Variants in CHST9 observed in about 807,000 individuals in gnomAD.
CHST9 encodes the protein carbohydrate sulfotransferase 9, also known as GalNAc-4-sulfotransferase 2.
Under a neutral mutation model 44.4 loss-of-function variants are expected in CHST9, and 41 were observed. That is an observed-to-expected ratio of 0.92 (90% confidence interval 0.72 to 1.20). The LOEUF is 1.20. Ranked by LOEUF, CHST9 falls within the 50% of genes most tolerant of loss-of-function variation. The probability of loss-of-function intolerance (pLI) is 0.00; values close to 1 mark genes in which losing one functional copy is unlikely to be tolerated. For synonymous variants in CHST9, 171 were observed against 178.4 expected, an observed-to-expected ratio of 0.96 and a Z score of 0.33; for missense variants, 504 against 516.5, an observed-to-expected ratio of 0.98 and a Z score of 0.23.
At chr18:27,109,354 C>A (rs1327741682) in intron 2 of CHST9, among the ~76,000 whole-genome samples, 3 of 152,040 alleles carry the variant, frequency 2.0e-5, no homozygotes, top group Admixed American at 1.3e-4. Flanking sequence ...TCTATTTTAC[C>A]CTGAAAAGTG....
chr18:27,016,803 TATG>T (rs1568134480), intron 4 of CHST9, among the ~76,000 whole-genome samples: 1 of 152,232 alleles, frequency 6.6e-6, no homozygotes, highest in East Asian at 1.9e-4. Context: ...AGTATGCACA[TATG>T]ATATTAAAGA....
At chr18:26,944,538 A>G (rs1472250312) in intron 4 of CHST9, among the ~76,000 whole-genome samples, 172 bp from the exon 5 acceptor site, 1 of 152,214 alleles carries the variant, frequency 6.6e-6, no homozygotes, top group East Asian at 1.9e-4. Context: ...TGGGGAAAAA[A>G]AGCCAAAACC....
chr18:27,042,273 T>A (rs568616947), intron 3 of CHST9, among the ~76,000 whole-genome samples: 1 of 152,238 alleles, frequency 6.6e-6, no homozygotes, highest in South Asian at 2.1e-4. Context: ...CTAACCCAAG[T>A]GACCTTGACC....
chr18:27,148,974 A>G (rs1444332758), intron 1 of CHST9, among the ~76,000 whole-genome samples: 1 of 131,666 alleles, frequency 7.6e-6, no homozygotes, highest in African/African-American at 2.7e-5. Flanking sequence ...ATGGTATCTC[A>G]TTGTGGTTTT....
chr18:27,077,477 G>C (rs1326245116), intron 2 of CHST9, among the ~76,000 whole-genome samples: 2 of 152,178 alleles, frequency 1.3e-5, no homozygotes, highest in African/African-American at 4.8e-5. Context: ...ATCTTCCATA[G>C]CACTCAGTGC....
intron 4 of CHST9, among the ~76,000 whole-genome samples, chr18:26,964,170 C>T (rs574374870): frequency 6.6e-6 from 1 of 152,138 alleles, no homozygotes; most frequent in South Asian, 2.1e-4. Flanking sequence ...AAATTGGAGA[C>T]CAAATAGAAA....
At chr18:27,043,644 G>C in intron 3 of CHST9, among the ~76,000 whole-genome samples, 1 of 151,926 alleles carries the variant, frequency 6.6e-6, no homozygotes, top group Middle Eastern at 3.4e-3. Context: ...GTTATTCTTG[G>C]GTAATTAAAA....
intron 3 of CHST9, among the ~76,000 whole-genome samples, chr18:27,035,806 C>T (rs1394175243): frequency 6.6e-6 from 1 of 152,018 alleles, no homozygotes; most frequent in Non-Finnish European, 1.5e-5. Flanking sequence ...CAATGTAGAG[C>T]ATGGTGACTA....
At chr18:27,095,554 C>T (rs796381499) in intron 2 of CHST9, among the ~76,000 whole-genome samples, 3 of 152,210 alleles carry the variant, frequency 2.0e-5, no homozygotes, top group African/African-American at 7.2e-5. Context: ...CCATCTCAAA[C>T]ATAATGACGC....
rs1286396017 is a variant in CHST9 at position 27,108,587 on chromosome 18, T to C, written c.121+34102A>G. Among the ~76,000 whole-genome samples, 5 of 152,162 alleles carry C rather than the reference T, an allele frequency of 3.3e-5. No homozygotes were observed. The East Asian group carries it at 7.7e-4, about 23-fold the overall frequency. On this transcript the variant is annotated intron_variant, in intron 2 of 5. Transcript: ENST00000618847. ...AAAAAAATGCATCCAATTAGAAATATGAAATTTTCTGTCCCAAAGAATTCT... is the reference window on the plus strand; with the variant it reads ...AAAAAAATGCATCCAATTAGAAATACGAAATTTTCTGTCCCAAAGAATTCT...
At chr18:26,979,711 G>T (rs1416510559) in intron 4 of CHST9, among the ~76,000 whole-genome samples, 2 of 152,150 alleles carry the variant, frequency 1.3e-5, no homozygotes, top group South Asian at 2.1e-4. Flanking sequence ...TGTACACAGA[G>T]ATCAGATCAG....
chr18:27,094,793 G>A (rs1459266059), intron 2 of CHST9, among the ~76,000 whole-genome samples: 2 of 152,148 alleles, frequency 1.3e-5, no homozygotes, highest in South Asian at 2.1e-4. Flanking sequence ...GTGGCTCTGC[G>A]AGTTCAGGTG....
At chr18:27,110,921 T>C (rs2058265491) in intron 2 of CHST9, among the ~76,000 whole-genome samples, 1 of 152,258 alleles carries the variant, frequency 6.6e-6, no homozygotes. Context: ...TCAGAAACTC[T>C]GGAGATAGGA....
At chr18:26,990,219 T>C (rs1008546719) in intron 4 of CHST9, among the ~76,000 whole-genome samples, 37 of 152,224 alleles carry the variant, frequency 2.4e-4, no homozygotes, top group African/African-American at 7.7e-4. Context: ...TGACAGTGAT[T>C]GGGGTGGTAG....
At chr18:27,131,067 G>A (rs1289356807) in intron 2 of CHST9, among the ~76,000 whole-genome samples, 1 of 152,178 alleles carries the variant, frequency 6.6e-6, no homozygotes, top group Non-Finnish European at 1.5e-5. Flanking sequence ...CACAAAGCAG[G>A]TTAGAAGTGA....
At chr18:27,051,143 T>C (rs1461907591) in intron 2 of CHST9, among the ~76,000 whole-genome samples, 4 of 152,198 alleles carry the variant, frequency 2.6e-5, no homozygotes, top group African/African-American at 9.7e-5. Flanking sequence ...TTGGGTGTGG[T>C]GGCTCATGCT....
intron 1 of CHST9, among the ~76,000 whole-genome samples, chr18:27,181,366 A>G (rs1324070293): frequency 1.3e-5 from 2 of 152,216 alleles, no homozygotes; most frequent in African/African-American, 4.8e-5. Flanking sequence ...TTAAATTGGC[A>G]GTCTTGCTGA....
chr18:27,049,227 C>A (rs2057538140), intron 2 of CHST9, among the ~76,000 whole-genome samples: 1 of 151,844 alleles, frequency 6.6e-6, no homozygotes, highest in Non-Finnish European at 1.5e-5. Flanking sequence ...ATGCAAGAGA[C>A]CGGGGGGAGG....
At chr18:27,085,539 CAG>C (rs2058003971) in intron 2 of CHST9, among the ~76,000 whole-genome samples, 1 of 152,076 alleles carries the variant, frequency 6.6e-6, no homozygotes. Context: ...CACTAATCAT[CAG>C]AGACTTGCAA....
Sources: allele counts gnomAD v4.1 joint callset (sites outside exome capture counted in the v4.1 genomes callset), GRCh38; gene constraint gnomAD v4.1.1; transcripts MANE v1.5; gene names NCBI Gene and HGNC (gene_info 2026-07-23, HGNC 2026-07-21).